The following PPARGC1A variants were observed in gnomAD, a reference collection of about 807,000 sequenced individuals.
PPARGC1A encodes the protein PPARG coactivator 1 alpha.
Under a neutral mutation model 88.7 loss-of-function variants are expected in PPARGC1A, and 25 were observed. The observed-to-expected ratio is 0.28, with a 90% CI of 0.21 to 0.39. The LOEUF (loss-of-function observed/expected upper bound fraction) is 0.39. Among genes scored for constraint, PPARGC1A ranks in the 10% least tolerant of loss-of-function variants. The pLI, the probability that PPARGC1A is intolerant of heterozygous loss-of-function variation, is 1.00. For synonymous variants in PPARGC1A, 363 were observed against 355.6 expected, an observed-to-expected ratio of 1.02 and a Z score of -0.24; for missense variants, 880 against 968.7, an observed-to-expected ratio of 0.91 and a Z score of 1.22.
At chr4:23,913,366 TTC>T in the PPARGC1A span, among the ~76,000 whole-genome samples, 16 of 149,698 alleles carry the variant, frequency 1.1e-4, no homozygotes, top group African/African-American at 3.9e-4. Flanking sequence ...ACTTACTGAA[TTC>T]TCTCTATATG....
chr4:24,149,898 C>T, the PPARGC1A span, among the ~76,000 whole-genome samples: 5 of 152,132 alleles, frequency 3.3e-5, no homozygotes, highest in African/African-American at 4.8e-5. Context: ...GCAAACCTTA[C>T]GGGAGAAGTT....
the PPARGC1A span, among the ~76,000 whole-genome samples, chr4:24,123,758 G>T: frequency 6.6e-6 from 1 of 152,050 alleles, no homozygotes; most frequent in African/African-American, 2.4e-5. Context: ...CTGACTTCCC[G>T]TAAGAAGCTG....
chr4:23,839,066 C>A (rs979319172), intron 2 of PPARGC1A, among the ~76,000 whole-genome samples: 1 of 151,962 alleles, frequency 6.6e-6, no homozygotes, highest in African/African-American at 2.4e-5. Flanking sequence ...ATAATTAGAC[C>A]CATGGGAATC....
chr4:24,119,375 CTGG>C, the PPARGC1A span, among the ~76,000 whole-genome samples: 2 of 152,090 alleles, frequency 1.3e-5, no homozygotes, highest in African/African-American at 4.8e-5. Flanking sequence ...CCTGAAAGAC[CTGG>C]TGTTAGAAGG....
chr4:24,152,782 C>T, the PPARGC1A span, among the ~76,000 whole-genome samples: 1 of 152,198 alleles, frequency 6.6e-6, no homozygotes, highest in East Asian at 1.9e-4. Context: ...ATCAAGCACT[C>T]CCAAAGTTAA....
chr4:24,276,494 CTTGACTGCCTG>C, the PPARGC1A span, among the ~76,000 whole-genome samples: 1 of 152,152 alleles, frequency 6.6e-6, no homozygotes, highest in Non-Finnish European at 1.5e-5. Context: ...CAGTCCTACT[CTTGACTGCCTG>C]TATTTTTAAT....
intron 2 of PPARGC1A, among the ~76,000 whole-genome samples, chr4:23,861,161 G>A (rs997868179): frequency 1.3e-5 from 2 of 152,186 alleles, no homozygotes; most frequent in East Asian, 1.9e-4. Flanking sequence ...TGTTTAGACA[G>A]CAATAAAACA....
the PPARGC1A span, among the ~76,000 whole-genome samples, chr4:24,279,528 C>T: frequency 6.6e-6 from 1 of 152,120 alleles, no homozygotes; most frequent in African/African-American, 2.4e-5. Flanking sequence ...CATTTGTTAT[C>T]GTTGTGTCTA....
the PPARGC1A span, among the ~76,000 whole-genome samples, chr4:24,134,304 G>A: frequency 6.6e-6 from 1 of 152,212 alleles, no homozygotes. Flanking sequence ...TGAGGACTTA[G>A]AATATGCAAA....
At chr4:23,820,391 A>G (rs1722797911) in intron 7 of PPARGC1A, 2 of 180,682 alleles carry the variant, frequency 1.1e-5, no homozygotes, top group South Asian at 2.1e-4. Context: ...AATAAAAACT[A>G]TATATACATA....
chr4:24,362,954 C>T, the PPARGC1A span, among the ~76,000 whole-genome samples: 5 of 152,186 alleles, frequency 3.3e-5, no homozygotes, highest in African/African-American at 9.7e-5. Flanking sequence ...ATCGTAAGAA[C>T]TTAACAATTA....
the PPARGC1A span, among the ~76,000 whole-genome samples, chr4:24,187,813 T>C: frequency 1.3e-5 from 2 of 152,174 alleles, no homozygotes; most frequent in Non-Finnish European, 2.9e-5. Context: ...TAAGTAAGCA[T>C]ACCAGCAAAT....
At chr4:24,139,832 G>A in the PPARGC1A span, among the ~76,000 whole-genome samples, 1 of 152,168 alleles carries the variant, frequency 6.6e-6, no homozygotes, top group African/African-American at 2.4e-5. Context: ...TGCTGGAACT[G>A]AGTGCACCAA....
chr4:23,922,160 G>A, the PPARGC1A span, among the ~76,000 whole-genome samples: 1 of 152,336 alleles, frequency 6.6e-6, no homozygotes, highest in South Asian at 2.1e-4. Context: ...GAGAGTGCTA[G>A]GCAGAAATGT....
At chr4:23,956,875 C>T in the PPARGC1A span, among the ~76,000 whole-genome samples, 2 of 152,024 alleles carry the variant, frequency 1.3e-5, no homozygotes, top group East Asian at 3.9e-4. Context: ...TGTTAACTTC[C>T]TAGGTAGAAG....
chr4:24,007,715 A>G, the PPARGC1A span, among the ~76,000 whole-genome samples: 1,583 of 152,296 alleles, frequency 0.01, 25 homozygotes, highest in African/African-American at 0.036. Context: ...GAGTCCAACC[A>G]TGGCAGGGCT....
the PPARGC1A span, chr4:24,258,327 C>A: frequency 2.8e-5 from 8 of 287,638 alleles, no homozygotes; most frequent in African/African-American, 2.3e-5. Flanking sequence ...TACTGAAAGG[C>A]AATAAGGTTT....
At chr4:24,433,189 C>T in the PPARGC1A span, among the ~76,000 whole-genome samples, 1 of 152,162 alleles carries the variant, frequency 6.6e-6, no homozygotes, top group South Asian at 2.1e-4. Context: ...CAGTTTCCTT[C>T]CCTGCCAGAT....
upstream of PPARGC1A, among the ~76,000 whole-genome samples, chr4:23,899,908 G>A (rs1719086766): frequency 6.6e-6 from 1 of 151,830 alleles, no homozygotes; most frequent in Admixed American, 6.6e-5. Context: ...TATGATACAT[G>A]TACTTTTCAG....
Sources: gnomAD v4.1 joint callset for allele counts (sites outside exome capture counted in the v4.1 genomes callset) on GRCh38, gnomAD v4.1.1 for gene constraint, MANE v1.5 for transcripts, NCBI Gene and HGNC (gene_info 2026-07-23, HGNC 2026-07-21) for gene names.